RAB9B: variants seen among roughly 807,000 people sequenced by gnomAD.
RAB9B encodes ras-related protein Rab-9B.
Under a neutral mutation model 8.9 loss-of-function variants are expected in RAB9B, and 1 was observed. The ratio of observed to expected loss-of-function variants is 0.11; its 90% CI spans 0.04 to 0.53. RAB9B has a LOEUF of 0.53. Ranked by LOEUF, RAB9B falls within the 20% of genes least tolerant of loss-of-function variation. The probability of loss-of-function intolerance (pLI) is 0.93; values close to 1 mark genes in which losing one functional copy is unlikely to be tolerated. For missense variants in RAB9B, 82 were observed against 152.9 expected, an observed-to-expected ratio of 0.54 and a Z score of 2.45; for synonymous variants, 63 against 57.0, an observed-to-expected ratio of 1.10 and a Z score of -0.47.
At chrX:103,788,333 C>T in the RAB9B span, 25 of 636,158 alleles carry the variant, frequency 3.9e-5, no homozygotes, top group Admixed American at 1.8e-4. Context: ...TCCAACTTTA[C>T]AGCCAGGATA....
At chrX:103,822,116 G>A (rs1261372379), downstream of RAB9B, among the ~76,000 whole-genome samples, 1 of 111,112 alleles carries the variant, frequency 9.0e-6, no homozygotes, top group Non-Finnish European at 1.9e-5. Context: ...AAATAAAAAG[G>A]ACCTCCCTGC....
the RAB9B span, among the ~76,000 whole-genome samples, chrX:103,806,956 T>C: frequency 9.0e-6 from 1 of 111,482 alleles, no homozygotes; most frequent in African/African-American, 3.3e-5. Flanking sequence ...CCTTAGCAAA[T>C]AAGTTCCTGA....
chrX:103,825,281 A>G lies in RAB9B; in HGVS notation c.504T>C (p.Ala168=). The change falls in exon 3 of 3, where the codon GCT becomes GCC. Residue 168 remains alanine (A), a synonymous_variant. Coordinates refer to ENST00000243298, the MANE Select transcript of RAB9B (RefSeq NM_016370.4). ...DTNVTVAFEE[A]VRQVLAVEEQ... is the part of the protein sequence containing the mutation. ...CCTCTACAGCCAGCACCTGCCTGACAGCTTCTTCAAAGGCCACTGTCACAT... is the reference window on the plus strand; with the variant it reads ...CCTCTACAGCCAGCACCTGCCTGACGGCTTCTTCAAAGGCCACTGTCACAT... 8.3e-7 allele frequency: 1 copy of G among 1,211,613 alleles called. No individual in the cohort carries two copies.
the RAB9B span, among the ~76,000 whole-genome samples, chrX:103,815,272 C>T: frequency 8.9e-6 from 1 of 112,330 alleles, no homozygotes; most frequent in East Asian, 2.8e-4. Context: ...CCCTGGGATG[C>T]AAGGCTGGTT....
At chrX:103,784,124 T>C in the RAB9B span, among the ~76,000 whole-genome samples, 2 of 111,864 alleles carry the variant, frequency 1.8e-5, no homozygotes, top group South Asian at 7.5e-4. Flanking sequence ...TCTTAGAGCA[T>C]GGGACTAGTA....
the RAB9B span, chrX:103,788,798 A>G: frequency 2.2e-5 from 8 of 355,676 alleles, no homozygotes; most frequent in Non-Finnish European, 3.4e-5. Context: ...AATCCCCCAC[A>G]TGAAAATTTT....
chrX:103,826,752 G>A (rs945331896), intron 2 of RAB9B, among the ~76,000 whole-genome samples: 6 of 111,533 alleles, frequency 5.4e-5, no homozygotes, highest in African/African-American at 9.8e-5. Context: ...GGAACTCAAC[G>A]GTGATGAGGT....
At chrX:103,800,809 C>G in the RAB9B span, among the ~76,000 whole-genome samples, 1 of 111,644 alleles carries the variant, frequency 9.0e-6, no homozygotes, top group African/African-American at 3.3e-5. Flanking sequence ...CTTTTGATAT[C>G]GTTCACTATC....
At position 103,825,771 on chromosome X, in the gene RAB9B, G is replaced by C; in HGVS notation, c.14C>G (p.Ser5Cys). 8.5e-7 allele frequency: 1 copy of C among 1,174,946 alleles called. No homozygotes were observed. The highest frequency in any genetic ancestry group is 1.1e-6 in the Non-Finnish European group (1 of 877,843). Residue 5 changes from serine (S) to cysteine (C), a missense_variant, in exon 3 of 3, where the codon TCC (serine) becomes TGC (cysteine). Coordinates refer to ENST00000243298, the MANE Select transcript of RAB9B (RefSeq NM_016370.4). MSGK[S>C]LLLKVILLGD... ...CAAGAGAATGACCTTTAAGAGCAGGGATTTCCCACTCATTTTTGCAGCACC... is the reference window on the plus strand; with the variant it reads ...CAAGAGAATGACCTTTAAGAGCAGGCATTTCCCACTCATTTTTGCAGCACC...
chrX:103,803,570 C>T, the RAB9B span, among the ~76,000 whole-genome samples: 1 of 112,406 alleles, frequency 8.9e-6, no homozygotes, highest in Admixed American at 9.4e-5. Context: ...GAGTACTTTA[C>T]ATATTTTTAT....
chrX:103,788,840 A>G, the RAB9B span: 22 of 319,066 alleles, frequency 6.9e-5, no homozygotes, highest in South Asian at 8.0e-4. Flanking sequence ...TATCAAGAAA[A>G]TGGGCTGTGC....
chrX:103,801,938 A>G, the RAB9B span, among the ~76,000 whole-genome samples: 1 of 111,672 alleles, frequency 9.0e-6, no homozygotes, highest in East Asian at 2.8e-4. Flanking sequence ...ACTGAGGGCC[A>G]GAACAGGCTA....
the RAB9B span, among the ~76,000 whole-genome samples, chrX:103,805,610 T>C: frequency 8.9e-6 from 1 of 111,781 alleles, no homozygotes; most frequent in East Asian, 2.8e-4. Flanking sequence ...CTGGACTTTG[T>C]GGGAGGTTTT....
At chrX:103,798,091 G>T in the RAB9B span, among the ~76,000 whole-genome samples, 6 of 111,322 alleles carry the variant, frequency 5.4e-5, no homozygotes, top group Non-Finnish European at 9.4e-5. Context: ...AAGATCCCAG[G>T]ACGATTTGTA....
intron 1 of RAB9B, among the ~76,000 whole-genome samples, chrX:103,827,625 C>T (rs2074688323): frequency 8.9e-6 from 1 of 111,880 alleles, no homozygotes; most frequent in Non-Finnish European, 1.9e-5. Context: ...ATTATCTTGG[C>T]TAATTATTTT....
the RAB9B span, chrX:103,789,219 G>A: frequency 1.6e-6 from 1 of 622,112 alleles, no homozygotes; most frequent in Non-Finnish European, 2.8e-6. Context: ...TAGAGATGTG[G>A]AATTAGCACA....
At chrX:103,820,363 T>C (rs2074654684), downstream of RAB9B, among the ~76,000 whole-genome samples, 1 of 112,039 alleles carries the variant, frequency 8.9e-6, no homozygotes, top group Non-Finnish European at 1.9e-5. Flanking sequence ...AAAAAATTGC[T>C]GCAAGATCTA....
chrX:103,799,841 A>G, the RAB9B span, among the ~76,000 whole-genome samples: 2 of 111,863 alleles, frequency 1.8e-5, no homozygotes, highest in African/African-American at 6.5e-5. Flanking sequence ...ATGAAGACAT[A>G]TCATTCATTC....
At chrX:103,782,955 TC>T in the RAB9B span, among the ~76,000 whole-genome samples, 1 of 111,537 alleles carries the variant, frequency 9.0e-6, no homozygotes, top group Non-Finnish European at 1.9e-5. Flanking sequence ...GACCTTCTTC[TC>T]CCCCCATCCC....
Sources: allele counts gnomAD v4.1 joint callset (sites outside exome capture counted in the v4.1 genomes callset), GRCh38; gene constraint gnomAD v4.1.1; transcripts MANE v1.5; gene names NCBI Gene and HGNC (gene_info 2026-07-23, HGNC 2026-07-21).